The following FLI1 variants were observed in gnomAD, a reference collection of about 807,000 sequenced individuals.
FLI1 encodes the protein Fli-1 proto-oncogene, ETS transcription factor, also known as Friend leukemia integration 1 transcription factor.
FLI1 carries 13 observed loss-of-function variants against 53.1 expected under a neutral mutation model. The ratio of observed to expected loss-of-function variants is 0.24; its 90% CI spans 0.16 to 0.39. The LOEUF (loss-of-function observed/expected upper bound fraction) is 0.39. FLI1 is among the 10% of genes least tolerant of loss of function. The pLI, the probability that FLI1 is intolerant of heterozygous loss-of-function variation, is 1.00. For missense variants in FLI1, 424 were observed against 600.5 expected (o/e 0.71, Z 3.07); for synonymous variants, 244 against 236.7 (o/e 1.03, Z -0.28).
chr11:128,708,827 G>A (rs996949183), intron 1 of FLI1, among the ~76,000 whole-genome samples: 2 of 152,066 alleles, frequency 1.3e-5, no homozygotes, highest in Non-Finnish European at 2.9e-5. Flanking sequence ...AAGAGCACCC[G>A]CCCCGTCTTT....
chr11:128,710,292 T>C (rs1938735055), intron 1 of FLI1, among the ~76,000 whole-genome samples: 1 of 152,178 alleles, frequency 6.6e-6, no homozygotes, highest in Non-Finnish European at 1.5e-5. Context: ...TCCATTTAAG[T>C]GCTCATTCAG....
upstream of FLI1, among the ~76,000 whole-genome samples, chr11:128,689,842 C>T (rs1041894339): frequency 1.3e-5 from 2 of 152,184 alleles, no homozygotes; most frequent in African/African-American, 4.8e-5. Context: ...AGACCCTCCT[C>T]CTCCCCAACC....
intron 1 of FLI1, among the ~76,000 whole-genome samples, chr11:128,694,761 G>A (rs1937963150): frequency 1.3e-5 from 2 of 152,194 alleles, no homozygotes; most frequent in Admixed American, 1.3e-4. Flanking sequence ...CCTGGGGTGG[G>A]TAAGTGGCCT....
chr11:128,768,002 TG>T, intron 2 of FLI1, 115 bp from the exon 3 acceptor site: 1 of 852,612 alleles, frequency 1.2e-6, no homozygotes, highest in Non-Finnish European at 1.8e-6. Flanking sequence ...ACACCAAGTG[TG>T]GCCGGGCAAT....
At position 128,768,208 on chromosome 11, in the gene FLI1, C is replaced by A. The variant is rs772608802; in HGVS notation, c.321C>A (p.Asp107Glu). Reference sequence around the variant, plus strand: ...CCATGAACTACAACAGCTATATGGACGAGAAGAATGGCCCCCCTCCTCCCA... The same window carrying A: ...CCATGAACTACAACAGCTATATGGAAGAGAAGAATGGCCCCCCTCCTCCCA... The part of the protein sequence containing the change: ...SNPMNYNSYM[D>E]EKNGPPPPNM... Residue 107 changes from aspartate (D) to glutamate (E), a missense_variant, in exon 3 of 9, where the codon GAC (aspartate) becomes GAA (glutamate). Asp to Glu is a conservative substitution (Grantham distance 45). Transcript: ENST00000527786. 4.3e-6 allele frequency: 7 copies of A among 1,613,894 alleles called. No homozygotes were observed. The highest frequency in any genetic ancestry group is 1.3e-5 in the African/African-American group (1 of 75,006).
intron 5 of FLI1, among the ~76,000 whole-genome samples, chr11:128,786,241 T>C (rs1942076916): frequency 2.0e-5 from 3 of 152,144 alleles, no homozygotes; most frequent in Admixed American, 2.0e-4. Context: ...TACTCCAGAT[T>C]TTCTTGGAGA....
At chr11:128,796,813 A>G (rs567539067) in intron 5 of FLI1, among the ~76,000 whole-genome samples, 23 of 152,318 alleles carry the variant, frequency 1.5e-4, no homozygotes, top group African/African-American at 5.3e-4. Flanking sequence ...CGTCTCTACT[A>G]AAAATATAAA....
intron 1 of FLI1, among the ~76,000 whole-genome samples, chr11:128,724,620 C>T (rs944945589): frequency 2.0e-5 from 3 of 152,192 alleles, no homozygotes; most frequent in Admixed American, 2.0e-4. Context: ...CTCCTGCCTA[C>T]ACTGCCTGAG....
chr11:128,748,317 GA>G, intron 1 of FLI1: 1 of 939,784 alleles, frequency 1.1e-6, no homozygotes, highest in Non-Finnish European at 1.3e-6. Context: ...AGGCACTTGG[GA>G]GGGGGAATGA....
At chr11:128,686,010 C>T, upstream of FLI1, 1 of 231,480 alleles carries the variant, frequency 4.3e-6, no homozygotes, top group Non-Finnish European at 8.9e-6. Context: ...GTAGCAGTCT[C>T]TTCCCAAAAA....
chr11:128,694,341 T>C, intron 1 of FLI1, 65 bp downstream of exon 1: 1 of 1,232,470 alleles, frequency 8.1e-7, no homozygotes. Context: ...GGCGGGCGGG[T>C]AGGTGCGGGG....
At chr11:128,690,621 G>C (rs1020847896), upstream of FLI1, among the ~76,000 whole-genome samples, 2 of 152,238 alleles carry the variant, frequency 1.3e-5, no homozygotes, top group African/African-American at 4.8e-5. Flanking sequence ...CGAATGGTGC[G>C]AGGCAAGTCG....
intron 5 of FLI1, 121 bp downstream of exon 5, chr11:128,782,144 C>T: frequency 1.2e-6 from 1 of 824,502 alleles, no homozygotes; most frequent in Non-Finnish European, 1.9e-6. Flanking sequence ...TCCTAGCATA[C>T]AAAGACAAGC....
intron 1 of FLI1, among the ~76,000 whole-genome samples, chr11:128,747,899 G>A (rs1940469252): frequency 6.6e-6 from 1 of 152,192 alleles, no homozygotes; most frequent in African/African-American, 2.4e-5. Flanking sequence ...TCCATATTCA[G>A]CACTTTTTGC....
At chr11:128,703,495 A>G (rs1483155590) in intron 1 of FLI1, among the ~76,000 whole-genome samples, 1 of 152,234 alleles carries the variant, frequency 6.6e-6, no homozygotes, top group Non-Finnish European at 1.5e-5. Context: ...ATTGTCGTAT[A>G]CACTGATTTA....
chr11:128,704,200 T>C (rs532086369), intron 1 of FLI1, among the ~76,000 whole-genome samples: 10 of 152,164 alleles, frequency 6.6e-5, no homozygotes, highest in Non-Finnish European at 1.0e-4. Context: ...TATTTGGGGG[T>C]GTGGATGATA....
chr11:128,805,349 T>G lies in FLI1; in HGVS notation c.656-17T>G, dbSNP rs1462116269. ...GCAGGCGATGCTAATGTACCCCTAT[T>G]TGTTATTGTTCATTAGACCCTTCTT... On this transcript the variant is annotated splice_polypyrimidine_tract_variant and intron_variant, in intron 5 of 8. Coordinates refer to ENST00000527786, the MANE Select transcript of FLI1 (RefSeq NM_002017.5). 1.3e-6 allele frequency: 2 copies of G among 1,527,812 alleles called. No homozygotes were observed. Among genetic ancestry groups the G allele is most frequent in the Non-Finnish European group, 1.8e-6 (2 of 1,115,266 alleles). The allele number at this position is 1,527,812 out of a possible 1,614,324, so 94.6% of individuals were successfully genotyped here.
chr11:128,767,042 C>T (rs537335492), intron 2 of FLI1, among the ~76,000 whole-genome samples: 1 of 151,576 alleles, frequency 6.6e-6, no homozygotes, highest in Non-Finnish European at 1.5e-5. Context: ...GCACCTCCCC[C>T]AAGTATGCTG....
chr11:128,782,106 A>G, intron 5 of FLI1, 83 bp downstream of exon 5: 1 of 1,270,054 alleles, frequency 7.9e-7, no homozygotes, highest in Admixed American at 1.7e-5. Context: ...TGTTGCAGAA[A>G]ACCAGCTTGC....
Sources: allele counts gnomAD v4.1 joint callset (sites outside exome capture counted in the v4.1 genomes callset), GRCh38; gene constraint gnomAD v4.1.1; transcripts MANE v1.5; gene names NCBI Gene and HGNC (gene_info 2026-07-23, HGNC 2026-07-21).